HIC2: variants seen among roughly 807,000 people sequenced by gnomAD.
HIC2 encodes the protein HIC ZBTB transcriptional repressor 2, also known as hypermethylated in cancer 2 protein.
HIC2 carries 2 observed loss-of-function variants against 39.5 expected under a neutral mutation model. The ratio of observed to expected loss-of-function variants is 0.05; its 90% CI spans 0.02 to 0.16. The LOEUF (loss-of-function observed/expected upper bound fraction) is 0.16. Among genes scored for constraint, HIC2 ranks in the 10% least tolerant of loss-of-function variants. The probability of loss-of-function intolerance (pLI) is 1.00; values close to 1 mark genes in which losing one functional copy is unlikely to be tolerated. For synonymous variants in HIC2, 399 were observed against 368.8 expected, an observed-to-expected ratio of 1.08 and a Z score of -0.94; for missense variants, 713 against 863.5, an observed-to-expected ratio of 0.83 and a Z score of 2.18.
In HIC2 at chr22:21,445,673, A is replaced by G. The variant is rs767823766; in HGVS notation, c.778A>G (p.Thr260Ala). ...SKKSPPLPPA[T>A]PGPHLTPDDA... ...GAAAAGCCCACCCTTGCCCCCTGCC[A>G]CCCCAGGTCCCCACCTCACTCCCGA... The change falls in exon 3 of 3, where the codon ACC (threonine) becomes GCC (alanine). Residue 260 changes from threonine to alanine, a missense_variant. Thr to Ala is a moderately conservative substitution (Grantham distance 58). Transcript: ENST00000407464. 5 of 1,606,908 alleles carry G rather than the reference A, an allele frequency of 3.1e-6. No homozygotes were observed. The highest frequency in any genetic ancestry group is 3.4e-6 in the Non-Finnish European group (4 of 1,177,296).
intron 1 of HIC2, among the ~76,000 whole-genome samples, chr22:21,425,526 G>A (rs1319130084): frequency 1.4e-5 from 2 of 138,948 alleles, no homozygotes; most frequent in Admixed American, 7.3e-5. Flanking sequence ...CCGCCACCAC[G>A]CCTGGTTAAT....
At chr22:21,423,283 GTGCACATC>G (rs1226450820) in intron 1 of HIC2, among the ~76,000 whole-genome samples, 4 of 63,396 alleles carry the variant, frequency 6.3e-5, no homozygotes, top group African/African-American at 2.1e-4. Flanking sequence ...GAAGGGGGTG[GTGCACATC>G]TTGGTAGCTG....
At position 21,445,161 on chromosome 22, in the gene HIC2, G is replaced by C. The variant is rs1394018974; in HGVS notation, c.266G>C (p.Ser89Thr). The C allele has an allele frequency of 1.2e-6, 2 of 1,614,206 alleles. No individual in the cohort carries two copies. Among genetic ancestry groups the C allele is most frequent in the Non-Finnish European group, 1.7e-6 (2 of 1,180,042 alleles). ...ATCAACCTGGACACAGACATGGTCA[G>C]CTCCACAGTGTTCCAGCAGATCTTG... ...NLINLDTDMVSSTVFQQILDF... is the reference protein window; with the variant it reads ...NLINLDTDMVTSTVFQQILDF... Residue 89 changes from serine to threonine, a missense_variant, in exon 3 of 3, where the codon AGC (serine) becomes ACC (threonine). Transcript: ENST00000407464.
Position 21,446,868 on chromosome 22 carries a change from G to T in HIC2, c.*125G>T. ...AGTGGAGGCTCCGGGTGGCCCCTCT[G>T]GCCCCCACTGCCCACACCCAGAGCT... On this transcript the variant is annotated 3_prime_UTR_variant, in exon 3 of 3. Transcript: ENST00000407464. 1 of 1,300,576 alleles carries T rather than the reference G, an allele frequency of 7.7e-7. No individual in the cohort carries two copies. Among genetic ancestry groups the T allele is most frequent in the East Asian group, 2.5e-5 (1 of 39,690 alleles). 80.6% of individuals were successfully genotyped at this position (1,300,576 alleles called of 1,614,324 possible).
In HIC2 at chr22:21,449,975, C is replaced by T. The variant is rs923893080; in HGVS notation, c.*3232C>T. The T allele has an allele frequency of 2.6e-5, 4 of 152,690 alleles. No homozygotes were observed. The highest frequency in any genetic ancestry group is 7.2e-5 in the African/African-American group (3 of 41,464). 9.5% of individuals were successfully genotyped at this position (152,690 alleles called of 1,614,324 possible). A position where few individuals can be genotyped will look rare whatever the true frequency, so the allele number is the denominator to read the frequency against. ...AGCCGGGACCTTTGCGCAGCTCTGT[C>T]GACTCTGGTGGGTCCCCACTCCTGG... is the stretch of plus-strand genomic sequence containing the variant. On this transcript the variant is annotated 3_prime_UTR_variant, in exon 3 of 3. Transcript: ENST00000407464.
chr22:21,446,602 C>T lies in HIC2; in HGVS notation c.1707C>T (p.Arg569=). The T allele has an allele frequency of 6.2e-7, 1 of 1,613,700 alleles. No individual in the cohort carries two copies. Among genetic ancestry groups the T allele is most frequent in the East Asian group, 2.2e-5 (1 of 44,880 alleles). ...TCGCCTGCGATGAGTGTGGCATGCG[C>T]TTCACCCGTCAGTACCGCCTCACGG... The part of the protein sequence containing the change: ...KPFACDECGM[R]FTRQYRLTEH... The change falls in exon 3 of 3, where the codon CGC becomes CGT. Residue 569 remains arginine, a synonymous_variant. Coordinates refer to ENST00000407464, the MANE Select transcript of HIC2 (RefSeq NM_015094.3).
intron 2 of HIC2, among the ~76,000 whole-genome samples, chr22:21,443,422 GT>G (rs748629726): frequency 1.3e-5 from 2 of 152,150 alleles, no homozygotes; most frequent in African/African-American, 4.8e-5. Flanking sequence ...GCTGGGGAGA[GT>G]TTCTGTCATG....
At position 21,447,577 on chromosome 22, in the gene HIC2, T is replaced by C. The variant is rs1157657103; in HGVS notation, c.*834T>C. 1 of 152,690 alleles carries C rather than the reference T, an allele frequency of 6.5e-6. No individual in the cohort carries two copies. Among genetic ancestry groups the C allele is most frequent in the Non-Finnish European group, 1.5e-5 (1 of 68,026 alleles). 9.5% of individuals were successfully genotyped at this position (152,690 alleles called of 1,614,324 possible). ...GCTTCCCTGGTCCCTGAGCCCTGCC[T>C]CGGCTGCCTCAGGGGAGAGTGCTTT... On this transcript the variant is annotated 3_prime_UTR_variant, in exon 3 of 3. Coordinates refer to ENST00000407464, the MANE Select transcript of HIC2 (RefSeq NM_015094.3).
In HIC2 at chr22:21,447,792, G is replaced by A. The variant is rs747576909; in HGVS notation, c.*1049G>A. On this transcript the variant is annotated 3_prime_UTR_variant, in exon 3 of 3. Transcript: ENST00000407464. Reference sequence around the variant, plus strand: ...TTTGTGTGTGCGTGCGTGTGTGTGTGTGTATGTGCGTATGTGTGTGTCTAT... The same window carrying A: ...TTTGTGTGTGCGTGCGTGTGTGTGTATGTATGTGCGTATGTGTGTGTCTAT... 6.6e-6 allele frequency: 1 copy of A among 152,636 alleles called. No individual in the cohort carries two copies. Among genetic ancestry groups the A allele is most frequent in the Non-Finnish European group, 1.5e-5 (1 of 68,066 alleles). 9.5% of individuals were successfully genotyped at this position (152,636 alleles called of 1,614,324 possible).
rs548572392 is a variant in HIC2 at position 21,446,807 on chromosome 22, GA to G, written c.*65del. On this transcript the variant is annotated 3_prime_UTR_variant, in exon 3 of 3. Coordinates refer to ENST00000407464, the MANE Select transcript of HIC2 (RefSeq NM_015094.3). ...CCCGGGAACCCATGGAAGGAGAAGC[GA>G]GGTGATGCAGCAGCAGGGGCAAGAC... 3.9e-6 allele frequency: 6 copies of G among 1,546,730 alleles called. No homozygotes were observed. In the South Asian group the frequency reaches 7.5e-5, roughly 19 times the overall value.
rs2148329967 is a variant in HIC2, at chr22:21,417,374, A to G, written c.-260A>G. On this transcript the variant is annotated 5_prime_UTR_variant, in exon 1 of 3. Transcript: ENST00000407464. ...GTGAGCGGGCGGCGCCGACGTCACA[A>G]GCTTCCAAGATGGCGCTGGGCGGGC... The G allele has an allele frequency of 6.7e-6, 1 of 149,690 alleles. No homozygotes were observed. The highest frequency in any genetic ancestry group is 6.6e-5 in the Admixed American group (1 of 15,158). 9.3% of individuals were successfully genotyped at this position (149,690 alleles called of 1,614,324 possible).
rs1923983038 is a variant in HIC2 at position 21,448,495 on chromosome 22, GGGGCTGGGCTGGCAGC to G, written c.*1753_*1768del. 6.5e-6 allele frequency: 1 copy of G among 152,754 alleles called. No homozygotes were observed. Among genetic ancestry groups the G allele is most frequent in the Non-Finnish European group, 1.5e-5 (1 of 68,036 alleles). The allele number at this position is 152,754 out of a possible 1,614,324, so 9.5% of individuals were successfully genotyped here. On this transcript the variant is annotated 3_prime_UTR_variant, in exon 3 of 3. Coordinates refer to ENST00000407464, the MANE Select transcript of HIC2 (RefSeq NM_015094.3). ...ACTGTCTTCAGCCAGCTGAAGCTGT[GGGGCTGGGCTGGCAGC>G]CTTTATTGTCATCTTGCTTCACCAT...
At chr22:21,419,117 T>C (rs1207961560) in intron 1 of HIC2, among the ~76,000 whole-genome samples, 1 of 152,144 alleles carries the variant, frequency 6.6e-6, no homozygotes, top group African/African-American at 2.4e-5. Context: ...TAGTGGGCTC[T>C]GAACACCAAG....
Position 21,446,178 on chromosome 22 carries a change from G to C in HIC2, c.1283G>C (p.Arg428Pro), listed in dbSNP as rs145951187. ...SGHASAHYMY[R>P]QEGYETVSYG... The stretch of plus-strand genomic sequence containing the variant: ...CATGCCAGCGCCCACTACATGTACC[G>C]GCAGGAGGGCTACGAGACGGTGTCC... The change falls in exon 3 of 3, where the codon CGG (arginine) becomes CCG (proline). Residue 428 changes from arginine to proline, a missense_variant. Coordinates refer to ENST00000407464, the MANE Select transcript of HIC2 (RefSeq NM_015094.3). 6.2e-7 allele frequency: 1 copy of C among 1,610,428 alleles called. No homozygotes were observed. The highest frequency in any genetic ancestry group is 1.7e-5 in the Admixed American group (1 of 60,028).
At position 21,447,023 on chromosome 22, in the gene HIC2, C is replaced by CG. The variant is rs1923885508; in HGVS notation, c.*281dup. On this transcript the variant is annotated 3_prime_UTR_variant, in exon 3 of 3. Transcript: ENST00000407464. ...ACCGCAGGGCCTGTGGGCTGGGTCA[C>CG]GTGGGTCTCGCTGGGACCTGGTCCC... is the stretch of plus-strand genomic sequence containing the variant. 2.2e-6 allele frequency: 1 copy of CG among 463,656 alleles called. No individual in the cohort carries two copies. The highest frequency in any genetic ancestry group is 3.8e-6 in the Non-Finnish European group (1 of 261,014). The allele number at this position is 463,656 out of a possible 1,614,324, so 28.7% of individuals were successfully genotyped here.
At position 21,446,476 on chromosome 22, in the gene HIC2, C is replaced by T. The variant is rs1161732483; in HGVS notation, c.1581C>T (p.His527=). The change falls in exon 3 of 3, where the codon CAC becomes CAT. Residue 527 remains histidine, a synonymous_variant. Transcript: ENST00000407464. ...PATLRQHEKT[H]WLTRPFPCNI... Reference sequence around the variant, plus strand: ...CGCTGCGGCAGCACGAGAAGACGCACTGGCTGACACGGCCCTTCCCCTGCA... The same window carrying T: ...CGCTGCGGCAGCACGAGAAGACGCATTGGCTGACACGGCCCTTCCCCTGCA... The T allele has an allele frequency of 6.2e-7, 1 of 1,612,540 alleles. No homozygotes were observed. Among genetic ancestry groups the T allele is most frequent in the Admixed American group, 1.7e-5 (1 of 60,036 alleles).
Position 21,446,139 on chromosome 22 carries a change from A to T in HIC2, c.1244A>T (p.Glu415Val). The change falls in exon 3 of 3, where the codon GAG becomes GTG. Residue 415 changes from glutamate (E) to valine (V), a missense_variant. Physicochemically the swap from Glu to Val is moderately radical, Grantham distance 121. Coordinates refer to ENST00000407464, the MANE Select transcript of HIC2 (RefSeq NM_015094.3). ...ASEDSAQSGS[E>V]GGSGHASAHY... ...GAAGACAGTGCGCAGAGCGGGAGCG[A>T]GGGGGGCAGCGGCCATGCCAGCGCC... 1 of 1,608,652 alleles carries T rather than the reference A, an allele frequency of 6.2e-7. No homozygotes were observed. The highest frequency in any genetic ancestry group is 2.2e-5 in the East Asian group (1 of 44,874).
chr22:21,446,912 C>A lies in HIC2; in HGVS notation c.*169C>A. On this transcript the variant is annotated 3_prime_UTR_variant, in exon 3 of 3. Coordinates refer to ENST00000407464, the MANE Select transcript of HIC2 (RefSeq NM_015094.3). ...CAGAGCTTTAATGGACAGTCCGTAC[C>A]AAGCAGAGCCGAGAGGAGGGAAGCC... The A allele has an allele frequency of 4.2e-6, 4 of 945,568 alleles. No individual in the cohort carries two copies. Among genetic ancestry groups the A allele is most frequent in the Non-Finnish European group, 6.1e-6 (4 of 656,456 alleles). The allele number at this position is 945,568 out of a possible 1,614,324, so 58.6% of individuals were successfully genotyped here. A position where few individuals can be genotyped will look rare whatever the true frequency, so the allele number is the denominator to read the frequency against.
intron 1 of HIC2, among the ~76,000 whole-genome samples, chr22:21,438,036 A>T (rs1923455566): frequency 7.0e-6 from 1 of 142,448 alleles, no homozygotes; most frequent in Non-Finnish European, 1.5e-5. Flanking sequence ...GATAGCTTCC[A>T]GGGAGGAAGG....
Sources: gnomAD v4.1 joint callset for allele counts (sites outside exome capture counted in the v4.1 genomes callset) on GRCh38, gnomAD v4.1.1 for gene constraint, MANE v1.5 for transcripts, NCBI Gene and HGNC (gene_info 2026-07-23, HGNC 2026-07-21) for gene names.